The following NCOR2 variants were observed in gnomAD, a reference collection of about 807,000 sequenced individuals.
The protein encoded by NCOR2 is CTG repeat protein 26.
Under a neutral mutation model 262.9 loss-of-function variants are expected in NCOR2, and 81 were observed. The ratio of observed to expected loss-of-function variants is 0.31; its 90% CI spans 0.26 to 0.37. The LOEUF is 0.37. NCOR2 is among the 10% of genes least tolerant of loss of function. The pLI is 1.00. For synonymous variants in NCOR2, 1,659 were observed against 1,559.3 expected, an observed-to-expected ratio of 1.06 and a Z score of -1.51; for missense variants, 3,385 against 3,621.4, an observed-to-expected ratio of 0.93 and a Z score of 1.68.
At chr12:124,422,454 C>G in intron 12 of NCOR2, 47 bp downstream of exon 14, 3 of 1,610,644 alleles carry the variant, frequency 1.9e-6, no homozygotes, top group Non-Finnish European at 2.5e-6. Context: ...CACGCAGTTG[C>G]CCACGGAGGT....
chr12:124,541,902 A>AT (rs576446982), intron 1 of NCOR2, among the ~76,000 whole-genome samples: 1 of 6,230 alleles, frequency 1.6e-4, no homozygotes, highest in East Asian at 7.0e-3. Context: ...CTGGAGGGGG[A>AT]GGGGGTGGAG....
intron 33 of NCOR2, among the ~76,000 whole-genome samples, chr12:124,342,397 T>A (rs1450128158): frequency 6.6e-6 from 1 of 151,944 alleles, no homozygotes; most frequent in Non-Finnish European, 1.5e-5. Flanking sequence ...AGAGAAGGAG[T>A]CTCGCTCTGT....
chr12:124,359,877 G>A (rs1248555079), intron 22 of NCOR2, among the ~76,000 whole-genome samples: 1 of 152,256 alleles, frequency 6.6e-6, no homozygotes, highest in East Asian at 1.9e-4. Context: ...AGGTAGCGCT[G>A]GGTGTCAAGT....
intron 34 of NCOR2, 143 bp downstream of exon 36, chr12:124,341,680 C>G (rs1311716236): frequency 1.5e-6 from 2 of 1,309,200 alleles, no homozygotes; most frequent in East Asian, 4.7e-5. Flanking sequence ...ACGCACAACC[C>G]CAGGCCACCC....
intron 28 of NCOR2, 62 bp from the exon 31 acceptor site, chr12:124,348,376 G>A: frequency 2.0e-6 from 3 of 1,529,068 alleles, no homozygotes; most frequent in Non-Finnish European, 2.6e-6. Context: ...ACGGTGGGCA[G>A]GCAGGACAGG....
chr12:124,518,555 G>A (rs1297083210), intron 1 of NCOR2, among the ~76,000 whole-genome samples: 4 of 152,248 alleles, frequency 2.6e-5, no homozygotes, highest in South Asian at 2.1e-4. Context: ...ATCCGTTCTC[G>A]CCTCTGCCAC....
intron 38 of NCOR2, chr12:124,336,323 C>T (rs2035889335): frequency 1.1e-5 from 2 of 177,898 alleles, no homozygotes; most frequent in Admixed American, 1.1e-4. Flanking sequence ...TCCCTGCTCC[C>T]TGGACACAGG....
At chr12:124,551,710 C>T (rs1424621451) in intron 1 of NCOR2, among the ~76,000 whole-genome samples, 1 of 152,204 alleles carries the variant, frequency 6.6e-6, no homozygotes, top group Non-Finnish European at 1.5e-5. Flanking sequence ...AACCTCTCCC[C>T]ACTAAGGATC....
Position 124,457,259 on chromosome 12 carries a change from C to A in NCOR2, c.706-97G>T. On this transcript the variant is annotated intron_variant, in intron 5 of 46. Coordinates refer to ENST00000405201, the Ensembl canonical transcript of NCOR2. This position sits in a 1 kb window ranked among gnomAD's most constrained non-coding sequence, Gnocchi z 4.0. ...CCGGAGCAGCGGGCACCTGCCCAGC[C>A]CAGTCCAGCATGCTGATCCTCAGCA... 1 of 1,316,266 alleles carries A rather than the reference C, an allele frequency of 7.6e-7. No individual in the cohort carries two copies. Among genetic ancestry groups the A allele is most frequent in the Non-Finnish European group, 1.0e-6 (1 of 985,308 alleles). The allele number at this position is 1,316,266 out of a possible 1,614,324, so 81.5% of individuals were successfully genotyped here. A position where few individuals can be genotyped will look rare whatever the true frequency, so the allele number is the denominator to read the frequency against.
At chr12:124,340,511 T>A in intron 35 of NCOR2, 68 bp from the exon 38 acceptor site, 1 of 1,574,582 alleles carries the variant, frequency 6.4e-7, no homozygotes, top group Non-Finnish European at 8.6e-7. Flanking sequence ...TCTTCTGGGG[T>A]GGGAAAGAGA....
Position 124,422,837 on chromosome 12 carries a change from T to C in NCOR2, c.1329-282A>G, listed in dbSNP as rs539055993. 4.6e-5 allele frequency among the ~76,000 whole-genome samples: 7 copies of C among 152,286 alleles called. No homozygotes were observed. In the East Asian group the frequency reaches 9.7e-4, roughly 21 times the overall value. ...TGCTGGAGGCGGCTTCCAGGAAAAA[T>C]GAGGACACGACATGCAGCTCTTTGG... On this transcript the variant is annotated intron_variant, in intron 11 of 46. Transcript: ENST00000405201.
At chr12:124,344,648 G>A in exon 32 of NCOR2, 1 of 1,482,118 alleles carries the variant, frequency 6.7e-7, no homozygotes, top group Non-Finnish European at 9.0e-7. Context: ...GAACCTCGTG[G>A]GAGGTGGCCG....
chr12:124,371,623 C>T (rs971401585), intron 20 of NCOR2, among the ~76,000 whole-genome samples: 4 of 152,186 alleles, frequency 2.6e-5, no homozygotes, highest in Non-Finnish European at 5.9e-5. Flanking sequence ...CCCAGAGGCT[C>T]GGAGGCTGCG....
At position 124,389,117 on chromosome 12, in the gene NCOR2, C is replaced by G. The variant is rs1481708137; in HGVS notation, c.1877-3230G>C. 6.6e-6 allele frequency among the ~76,000 whole-genome samples: 1 copy of G among 152,230 alleles called. No individual in the cohort carries two copies. The highest frequency in any genetic ancestry group is 1.5e-5 in the Non-Finnish European group (1 of 68,026). On this transcript the variant is annotated intron_variant, in intron 16 of 46. Transcript: ENST00000405201. The surrounding 1 kb of genome is among the most constrained non-coding windows in gnomAD (Gnocchi z 4.4). ...TGGTGCGTGTGGGATGCCCCTGGGC[C>G]AGGTATCACCGGGGCGCAGCGTGCC...
chr12:124,432,045 GCAGGCAGGCAGACACACAGGCGGTCACA>G lies in NCOR2; in HGVS notation c.883-1286_883-1259del, dbSNP rs1401345038. Among the ~76,000 whole-genome samples, 1 of 141,968 alleles carries G rather than the reference GCAGGCAGGCAGACACACAGGCGGTCACA, an allele frequency of 7.0e-6. No homozygotes were observed. The highest frequency in any genetic ancestry group is 1.5e-5 in the Non-Finnish European group (1 of 65,082). 93.1% of individuals were successfully genotyped at this position (141,968 alleles called of 152,430 possible). On this transcript the variant is annotated intron_variant, in intron 8 of 46. Transcript: ENST00000405201. The surrounding 1 kb of genome is among the most constrained non-coding windows in gnomAD (Gnocchi z 5.1). ...GACACACACACAGTCCATCACACAG[GCAGGCAGGCAGACACACAGGCGGTCACA>G]CAGGCAGGCAGACACACACACACGG...
chr12:124,325,188 T>G, exon 47 of NCOR2: 1 of 332,054 alleles, frequency 3.0e-6, no homozygotes, highest in East Asian at 4.6e-5. Context: ...ATCCCCTGAG[T>G]AAGGTCTGCA....
At chr12:124,337,467 A>G (rs1593109879) in intron 37 of NCOR2, 2 of 634,246 alleles carry the variant, frequency 3.2e-6, no homozygotes, top group East Asian at 6.2e-5. Context: ...AACGGATGCA[A>G]GCATCTTACC....
At chr12:124,333,899 CG>C (rs2035565754) in intron 41 of NCOR2, among the ~76,000 whole-genome samples, 1 of 90,720 alleles carries the variant, frequency 1.1e-5, no homozygotes, top group Non-Finnish European at 2.5e-5. Flanking sequence ...TGTGTGTGCG[CG>C]CGCATGTGTG....
At chr12:124,381,942 G>A (rs575194346) in intron 17 of NCOR2, among the ~76,000 whole-genome samples, 9 of 152,346 alleles carry the variant, frequency 5.9e-5, no homozygotes, top group Non-Finnish European at 1.2e-4. Flanking sequence ...CCCGGCCGCC[G>A]GATCCTGCTT....
Sources: allele counts gnomAD v4.1 joint callset (sites outside exome capture counted in the v4.1 genomes callset), GRCh38; gene constraint gnomAD v4.1.1; non-coding constraint Gnocchi (gnomAD v3.1); transcripts MANE v1.5; gene names NCBI Gene and HGNC (gene_info 2026-07-23, HGNC 2026-07-21).